Variants in MICU1 observed in about 807,000 individuals in gnomAD.
MICU1 encodes calcium uptake protein 1, mitochondrial.
A neutral mutation model predicts 56.8 loss-of-function variants in MICU1; 45 were observed. The ratio of observed to expected loss-of-function variants is 0.79; its 90% CI spans 0.62 to 1.02. The LOEUF is 1.02. MICU1 is among the 50% of genes least tolerant of loss of function. The probability of loss-of-function intolerance (pLI) is 0.00; values close to 1 mark genes in which losing one functional copy is unlikely to be tolerated. For missense variants in MICU1, 504 were observed against 587.1 expected (o/e 0.86, Z 1.46); for synonymous variants, 186 against 195.1 (o/e 0.95, Z 0.39).
intron 7 of MICU1, 78 bp downstream of exon 7, chr10:72,477,096 G>A (rs1866148064): frequency 1.8e-6 from 2 of 1,110,884 alleles, no homozygotes; most frequent in Non-Finnish European, 2.5e-6. Flanking sequence ...TACTGACCAA[G>A]GCTAAGGTAA....
chr10:72,518,606 T>A (rs1867725988), intron 5 of MICU1, among the ~76,000 whole-genome samples: 4 of 152,206 alleles, frequency 2.6e-5, no homozygotes, highest in Admixed American at 2.6e-4. Flanking sequence ...GAAATTTGTT[T>A]CATCTTCAAG....
rs1368125692 is a variant in MICU1, at chr10:72,618,035, G to A, written c.-2+7975C>T. ...ATAAAAATTAGCCAGGAGTGGTGGC[G>A]CATGCCTGTAAATCCCAGCTACTAG... On this transcript the variant is annotated intron_variant, in intron 1 of 11. Transcript: ENST00000361114. 5.9e-5 allele frequency among the ~76,000 whole-genome samples: 9 copies of A among 151,814 alleles called. 1 individual carries two copies. The highest frequency in any genetic ancestry group is 1.3e-4 in the Admixed American group (2 of 15,220).
intron 1 of MICU1, among the ~76,000 whole-genome samples, chr10:72,615,886 G>A (rs1289158710): frequency 1.3e-5 from 2 of 152,170 alleles, no homozygotes; most frequent in African/African-American, 4.8e-5. Flanking sequence ...CTACTTGGAA[G>A]GCTGAGGCAG....
intron 1 of MICU1, among the ~76,000 whole-genome samples, chr10:72,576,684 A>G (rs1174353454): frequency 1.3e-5 from 2 of 152,234 alleles, no homozygotes; most frequent in African/African-American, 4.8e-5. Flanking sequence ...ACTAAACAAG[A>G]GATTTTCAGT....
chr10:72,425,103 C>CAATGTTTA (rs1245881552), intron 8 of MICU1, among the ~76,000 whole-genome samples: 7 of 152,194 alleles, frequency 4.6e-5, no homozygotes, highest in African/African-American at 1.7e-4. Context: ...ATACTTTTTG[C>CAATGTTTA]AATGTTTAAA....
At chr10:72,567,598 A>G (rs1241188404) in intron 1 of MICU1, among the ~76,000 whole-genome samples, 1 of 152,212 alleles carries the variant, frequency 6.6e-6, no homozygotes, top group African/African-American at 2.4e-5. Flanking sequence ...TGCCAGAACA[A>G]GTCATCTACT....
At chr10:72,579,094 G>A (rs943422876) in intron 1 of MICU1, among the ~76,000 whole-genome samples, 1 of 152,102 alleles carries the variant, frequency 6.6e-6, no homozygotes, top group African/African-American at 2.4e-5. Flanking sequence ...ACTCTCCCTA[G>A]AAGTAACCTC....
chr10:72,592,762 AAATTCCACACACTTTT>A (rs1379245461), intron 1 of MICU1, among the ~76,000 whole-genome samples: 2 of 152,018 alleles, frequency 1.3e-5, no homozygotes, highest in Non-Finnish European at 2.9e-5. Flanking sequence ...GCATTTCCCA[AAATTCCACACACTTTT>A]CTTTCTTTTT....
At chr10:72,497,070 T>A (rs1866869999) in intron 6 of MICU1, among the ~76,000 whole-genome samples, 1 of 152,098 alleles carries the variant, frequency 6.6e-6, no homozygotes, top group Non-Finnish European at 1.5e-5. Context: ...GTTTTCTTTT[T>A]TTTTTTTGAG....
At chr10:72,463,746 A>G (rs940611670) in intron 8 of MICU1, among the ~76,000 whole-genome samples, 3 of 152,196 alleles carry the variant, frequency 2.0e-5, no homozygotes, top group Admixed American at 2.0e-4. Context: ...TTATAAATTT[A>G]GTATACCCTA....
chr10:72,559,844 G>T (rs187620352), intron 3 of MICU1, among the ~76,000 whole-genome samples: 1 of 152,292 alleles, frequency 6.6e-6, no homozygotes, highest in East Asian at 1.9e-4. Flanking sequence ...GAACATGACC[G>T]ACTAAGCTCT....
At chr10:72,509,790 A>G (rs1867382552) in intron 5 of MICU1, among the ~76,000 whole-genome samples, 1 of 152,208 alleles carries the variant, frequency 6.6e-6, no homozygotes, top group African/African-American at 2.4e-5. Context: ...TCTTCTACCA[A>G]GAGACTGAAC....
chr10:72,466,981 AT>A (rs573099746), intron 8 of MICU1, among the ~76,000 whole-genome samples: 37 of 146,222 alleles, frequency 2.5e-4, no homozygotes, highest in South Asian at 8.7e-4. Context: ...TAATACCTTC[AT>A]TTTTTTTTTT....
chr10:72,495,300 C>T (rs1240301334), intron 6 of MICU1, among the ~76,000 whole-genome samples: 1 of 151,118 alleles, frequency 6.6e-6, no homozygotes, highest in Non-Finnish European at 1.5e-5. Context: ...ATACCATGTG[C>T]TCAATAATAG....
At chr10:72,505,720 A>G (rs1867223391) in intron 6 of MICU1, among the ~76,000 whole-genome samples, 2 of 152,132 alleles carry the variant, frequency 1.3e-5, no homozygotes, top group Admixed American at 1.3e-4. Flanking sequence ...ACAGAAAACC[A>G]AATACCGCAC....
chr10:72,523,130 G>C (rs1001809347), intron 5 of MICU1, among the ~76,000 whole-genome samples: 1 of 152,082 alleles, frequency 6.6e-6, no homozygotes, highest in African/African-American at 2.4e-5. Context: ...TTCCTAATTA[G>C]TAAGGACACC....
intron 3 of MICU1, among the ~76,000 whole-genome samples, chr10:72,559,003 G>C (rs1394427143): frequency 6.6e-6 from 1 of 152,160 alleles, no homozygotes; most frequent in Admixed American, 6.6e-5. Flanking sequence ...GGGTGACAGA[G>C]CAAGACTCTG....
At chr10:72,518,263 A>T (rs1867712091) in intron 5 of MICU1, among the ~76,000 whole-genome samples, 1 of 151,832 alleles carries the variant, frequency 6.6e-6, no homozygotes, top group African/African-American at 2.4e-5. Flanking sequence ...CAAACTCCTG[A>T]CCTCAAGTGA....
chr10:72,612,675 C>A (rs1047938736), intron 1 of MICU1, among the ~76,000 whole-genome samples: 1 of 152,092 alleles, frequency 6.6e-6, no homozygotes, highest in African/African-American at 2.4e-5. Flanking sequence ...GTGGCACATG[C>A]ATGTAGTCAT....
Sources: allele counts gnomAD v4.1 joint callset (sites outside exome capture counted in the v4.1 genomes callset), GRCh38; gene constraint gnomAD v4.1.1; transcripts MANE v1.5; gene names NCBI Gene and HGNC (gene_info 2026-07-23, HGNC 2026-07-21).